CAP2: variants seen among roughly 807,000 people sequenced by gnomAD.
CAP2 encodes cyclase associated actin cytoskeleton regulatory protein 2, also known as adenylyl cyclase-associated protein 2.
A neutral mutation model predicts 57.7 loss-of-function variants in CAP2; 24 were observed. The observed-to-expected ratio is 0.42, with a 90% CI of 0.30 to 0.58. The LOEUF (loss-of-function observed/expected upper bound fraction) is 0.58. CAP2 is among the 20% of genes least tolerant of loss of function. CAP2 has a pLI of 0.22. For missense variants in CAP2, 501 were observed against 590.3 expected (o/e 0.85, Z 1.57); for synonymous variants, 194 against 207.2 (o/e 0.94, Z 0.55).
chr6:17,463,248 ATC>A (rs1226897705), intron 4 of CAP2, among the ~76,000 whole-genome samples, 175 bp downstream of exon 4: 1 of 151,194 alleles, frequency 6.6e-6, no homozygotes, highest in East Asian at 1.9e-4. Flanking sequence ...CTCTCTCCTA[ATC>A]TCATTAATAG....
chr6:17,440,426 C>T (rs2113561885), intron 3 of CAP2, among the ~76,000 whole-genome samples: 1 of 151,724 alleles, frequency 6.6e-6, no homozygotes, highest in Non-Finnish European at 1.5e-5. Flanking sequence ...TTATTCAGCA[C>T]TTTTTCAGTA....
At position 17,542,926 on chromosome 6, in the gene CAP2, T is replaced by C; in HGVS notation, c.1092T>C (p.Ile364=). 1 of 1,613,826 alleles carries C rather than the reference T, an allele frequency of 6.2e-7. No individual in the cohort carries two copies. The highest frequency in any genetic ancestry group is 8.5e-7 in the Non-Finnish European group (1 of 1,179,688). Residue 364 remains isoleucine (I), a synonymous_variant, in exon 10 of 13, where the codon ATT becomes ATC. Transcript: ENST00000229922. ...AYIFKCEKST[I]QIKGKVNSII... ...TTTTCAAATGCGAAAAATCAACTATTCAGATAAAAGGGAAAGTAAACTCCA... is the reference window on the plus strand; with the variant it reads ...TTTTCAAATGCGAAAAATCAACTATCCAGATAAAAGGGAAAGTAAACTCCA...
intron 7 of CAP2, among the ~76,000 whole-genome samples, chr6:17,528,165 A>G (rs1310797016): frequency 2.6e-5 from 4 of 152,204 alleles, no homozygotes. Flanking sequence ...CCGTGGACTA[A>G]TGTAAGTGTT....
At chr6:17,531,474 G>A in intron 7 of CAP2, 1 of 1,500,340 alleles carries the variant, frequency 6.7e-7, no homozygotes, top group South Asian at 1.1e-5. Context: ...TTGTGATAGT[G>A]CTTCGCTTTT....
At chr6:17,408,319 T>A (rs1759042884) in intron 1 of CAP2, among the ~76,000 whole-genome samples, 1 of 152,142 alleles carries the variant, frequency 6.6e-6, no homozygotes, top group South Asian at 2.1e-4. Flanking sequence ...GGCTCATTTT[T>A]TCCTTGCCAC....
chr6:17,524,384 G>A (rs965433680), intron 7 of CAP2, among the ~76,000 whole-genome samples: 2 of 152,144 alleles, frequency 1.3e-5, no homozygotes, highest in African/African-American at 4.8e-5. Flanking sequence ...AGTGTCAGTT[G>A]ATAATGATGC....
intron 3 of CAP2, among the ~76,000 whole-genome samples, chr6:17,432,244 T>A (rs945007406): frequency 1.1e-4 from 16 of 152,292 alleles, no homozygotes; most frequent in African/African-American, 3.6e-4. Flanking sequence ...TATTTATGGA[T>A]CACCTGTACT....
At chr6:17,539,202 C>T in intron 7 of CAP2, 67 bp from the exon 8 acceptor site, 1 of 1,480,860 alleles carries the variant, frequency 6.8e-7, no homozygotes, top group Non-Finnish European at 9.2e-7. Flanking sequence ...TTTCGACTCT[C>T]TCGGGCAAAA....
chr6:17,490,807 G>T (rs1420176350), intron 4 of CAP2, among the ~76,000 whole-genome samples: 9 of 152,168 alleles, frequency 5.9e-5, no homozygotes, highest in Admixed American at 5.9e-4. Flanking sequence ...GCAGCAGGGG[G>T]TACCCAAAGG....
At chr6:17,519,093 G>T (rs1762333368) in intron 7 of CAP2, among the ~76,000 whole-genome samples, 1 of 152,108 alleles carries the variant, frequency 6.6e-6, no homozygotes, top group Non-Finnish European at 1.5e-5. Flanking sequence ...TTTGAGATTT[G>T]CACTCTGTGG....
intron 4 of CAP2, among the ~76,000 whole-genome samples, chr6:17,497,304 AC>A (rs1208892015): frequency 3.9e-5 from 6 of 152,188 alleles, no homozygotes; most frequent in Non-Finnish European, 8.8e-5. Flanking sequence ...GCAGAATCTC[AC>A]AAAGTGAAAT....
At chr6:17,397,694 CAAA>C (rs554131865) in intron 1 of CAP2, among the ~76,000 whole-genome samples, 19 of 70,608 alleles carry the variant, frequency 2.7e-4, no homozygotes, top group African/African-American at 9.0e-4. Context: ...GACTCCATAT[CAAA>C]AAAAAAAAAA....
chr6:17,474,522 T>C (rs1761100249), intron 4 of CAP2, among the ~76,000 whole-genome samples: 1 of 152,180 alleles, frequency 6.6e-6, no homozygotes, highest in Non-Finnish European at 1.5e-5. Flanking sequence ...TTTCTTTCAC[T>C]AAGTATTTAT....
At chr6:17,444,762 T>G (rs1292430968) in intron 3 of CAP2, among the ~76,000 whole-genome samples, 2 of 150,850 alleles carry the variant, frequency 1.3e-5, no homozygotes, top group African/African-American at 2.4e-5. Flanking sequence ...ATACGTAGAC[T>G]ATTAGATTGC....
At chr6:17,410,928 C>T (rs938883604) in intron 1 of CAP2, among the ~76,000 whole-genome samples, 1 of 152,040 alleles carries the variant, frequency 6.6e-6, no homozygotes, top group South Asian at 2.1e-4. Context: ...GTTTTTAAAC[C>T]TTTTTTGAGT....
chr6:17,434,037 A>T (rs2113550657), intron 3 of CAP2, among the ~76,000 whole-genome samples: 1 of 152,268 alleles, frequency 6.6e-6, no homozygotes, highest in Non-Finnish European at 1.5e-5. Flanking sequence ...TACCAATGAA[A>T]AAAATCACCA....
At chr6:17,517,393 G>A (rs955363962) in intron 7 of CAP2, among the ~76,000 whole-genome samples, 1 of 152,300 alleles carries the variant, frequency 6.6e-6, no homozygotes, top group African/African-American at 2.4e-5. Flanking sequence ...AAAGAGAATT[G>A]ATTATTAATT....
intron 1 of CAP2, among the ~76,000 whole-genome samples, chr6:17,416,172 A>C (rs1267908554): frequency 1.0e-5 from 1 of 96,516 alleles, no homozygotes; most frequent in African/African-American, 2.9e-5. Context: ...TCTTTTAAAC[A>C]TGTTGGAGGA....
intron 12 of CAP2, 80 bp from the exon 13 acceptor site, chr6:17,556,279 C>T (rs4364474): frequency 0.027 from 26,795 of 976,686 alleles, 615 homozygotes; most frequent in African/African-American, 0.095. Context: ...TCAGCCTCAC[C>T]ATCTGTTTGC....
Sources: allele counts gnomAD v4.1 joint callset (sites outside exome capture counted in the v4.1 genomes callset), GRCh38; gene constraint gnomAD v4.1.1; transcripts MANE v1.5; gene names NCBI Gene and HGNC (gene_info 2026-07-23, HGNC 2026-07-21).